Variants in FGD4 observed in about 807,000 individuals in gnomAD.
FGD4 encodes the protein FYVE, RhoGEF and PH domain containing 4.
FGD4 carries 42 observed loss-of-function variants against 102.0 expected under a neutral mutation model. That is an observed-to-expected ratio of 0.41 (90% confidence interval 0.32 to 0.53). The LOEUF (loss-of-function observed/expected upper bound fraction) is 0.53. FGD4 is among the 20% of genes least tolerant of loss of function. FGD4 has a pLI of 0.21. For synonymous variants in FGD4, 380 were observed against 375.7 expected, an observed-to-expected ratio of 1.01 and a Z score of -0.13; for missense variants, 902 against 1,078.2, an observed-to-expected ratio of 0.84 and a Z score of 2.29.
chr12:32,455,510 G>T (rs1565750581), intron 1 of FGD4, among the ~76,000 whole-genome samples: 1 of 152,068 alleles, frequency 6.6e-6, no homozygotes, highest in African/African-American at 2.4e-5. Context: ...TGGATCATTT[G>T]CAGTAGACTT....
chr12:32,602,077 T>G, intron 6 of FGD4, 84 bp from the exon 7 acceptor site: 1 of 1,250,672 alleles, frequency 8.0e-7, no homozygotes, highest in Non-Finnish European at 1.2e-6. Flanking sequence ...ATAATGCCAC[T>G]GCACTACAGT....
At chr12:32,513,799 G>T (rs1939624913) in intron 1 of FGD4, among the ~76,000 whole-genome samples, 1 of 152,164 alleles carries the variant, frequency 6.6e-6, no homozygotes, top group African/African-American at 2.4e-5. Context: ...TACTGTGAGG[G>T]AAGCAGACTT....
At chr12:32,468,035 T>A (rs1025700537) in intron 1 of FGD4, among the ~76,000 whole-genome samples, 3 of 151,736 alleles carry the variant, frequency 2.0e-5, no homozygotes, top group Non-Finnish European at 2.9e-5. Flanking sequence ...TTTTTTTAAT[T>A]TTTATTTAAT....
At chr12:32,484,869 C>A (rs1477721339) in intron 1 of FGD4, among the ~76,000 whole-genome samples, 4 of 151,814 alleles carry the variant, frequency 2.6e-5, no homozygotes, top group Admixed American at 2.6e-4. Flanking sequence ...GATACTCTGT[C>A]TCAGAAAAAA....
At chr12:32,592,163 G>C (rs979977654) in intron 4 of FGD4, among the ~76,000 whole-genome samples, 5 of 151,854 alleles carry the variant, frequency 3.3e-5, no homozygotes, top group African/African-American at 9.7e-5. Context: ...GCTCACTGTA[G>C]CCTCCGCTTC....
intron 1 of FGD4, chr12:32,534,159 C>A: frequency 3.5e-6 from 1 of 289,544 alleles, no homozygotes; most frequent in Non-Finnish European, 5.2e-6. Flanking sequence ...TTAAAGGTTC[C>A]ATGTGCCTCA....
Position 32,592,916 on chromosome 12 carries a change from G to A in FGD4, c.1012-5581G>A, listed in dbSNP as rs558304498. Among the ~76,000 whole-genome samples the A allele has an allele frequency of 1.2e-4, 19 of 152,222 alleles. 1 individual carries two copies. The South Asian group carries it at 3.5e-3, about 28-fold the overall frequency. On this transcript the variant is annotated intron_variant, in intron 4 of 16. Coordinates refer to ENST00000534526, the MANE Select transcript of FGD4 (RefSeq NM_001370298.3). ...GTAGTACCACTTTTCATTTCCAGGTGGATTTTGTAAGCAGATAGTTGGTGA... is the reference window on the plus strand; with the variant it reads ...GTAGTACCACTTTTCATTTCCAGGTAGATTTTGTAAGCAGATAGTTGGTGA...
At chr12:32,490,596 A>G (rs566197286) in intron 1 of FGD4, among the ~76,000 whole-genome samples, 17 of 150,684 alleles carry the variant, frequency 1.1e-4, no homozygotes, top group African/African-American at 4.1e-4. Flanking sequence ...ACAGGGTTTC[A>G]CCATATTGGC....
intron 1 of FGD4, among the ~76,000 whole-genome samples, chr12:32,510,538 AG>A (rs1939251995): frequency 6.6e-6 from 1 of 152,218 alleles, no homozygotes; most frequent in African/African-American, 2.4e-5. Flanking sequence ...GTAATAAAAA[AG>A]TGAACTAATA....
At chr12:32,555,379 T>C (rs1944008758) in intron 1 of FGD4, among the ~76,000 whole-genome samples, 1 of 152,076 alleles carries the variant, frequency 6.6e-6, no homozygotes, top group African/African-American at 2.4e-5. Flanking sequence ...AGATGGCTCT[T>C]AGACATACTG....
intron 1 of FGD4, among the ~76,000 whole-genome samples, chr12:32,471,257 A>G (rs1016599135): frequency 1.3e-5 from 2 of 152,140 alleles, no homozygotes; most frequent in Admixed American, 1.3e-4. Flanking sequence ...CTGGGCCTCC[A>G]GCTTGCAGAT....
chr12:32,519,385 T>C (rs1393697356), intron 1 of FGD4, among the ~76,000 whole-genome samples: 1 of 152,226 alleles, frequency 6.6e-6, no homozygotes, highest in Admixed American at 6.5e-5. Context: ...TCCATTATTG[T>C]GTAATTTTAT....
rs187553815 is a variant in FGD4 at position 32,502,129 on chromosome 12, C to A, written c.167-62008C>A. ...TTAGGAGGGCTGGTTACCATGGAAT[C>A]CACCATCTGTTCACTCCCCACCGGA... On this transcript the variant is annotated intron_variant, in intron 1 of 16. Transcript: ENST00000534526. The A allele has an allele frequency of 5.3e-4, 527 of 985,450 alleles. 1 individual carries two copies. The highest frequency in any genetic ancestry group is 2.0e-3 in the Admixed American group (33 of 16,286). 61.0% of individuals were successfully genotyped at this position (985,450 alleles called of 1,614,324 possible). A position where few individuals can be genotyped will look rare whatever the true frequency, so the allele number is the denominator to read the frequency against.
chr12:32,448,286 A>T (rs908462449), intron 1 of FGD4, among the ~76,000 whole-genome samples: 19 of 152,304 alleles, frequency 1.2e-4, no homozygotes, highest in African/African-American at 4.6e-4. Context: ...TAGAAAGTAC[A>T]GTGGGAGTAC....
rs113673587 is a variant in FGD4 at position 32,620,557 on chromosome 12, G to A, written c.1922+687G>A. 2.9e-3 allele frequency among the ~76,000 whole-genome samples: 330 copies of A among 113,232 alleles called. 2 individuals are homozygous for A. Among genetic ancestry groups the A allele is most frequent in the African/African-American group, 0.011 (305 of 27,862 alleles). The allele number at this position is 113,232 out of a possible 152,430, so 74.3% of individuals were successfully genotyped here. The stretch of plus-strand genomic sequence containing the variant: ...TTTTTTTTTTTTGAGATGGAGTTTC[G>A]CTCTCATTGGCCAGACTGGAGGGCA... On this transcript the variant is annotated intron_variant, in intron 11 of 16. Coordinates refer to ENST00000534526, the MANE Select transcript of FGD4 (RefSeq NM_001370298.3).
intron 16 of FGD4, among the ~76,000 whole-genome samples, chr12:32,639,824 A>G (rs1951062091): frequency 6.6e-6 from 1 of 152,222 alleles, no homozygotes; most frequent in Non-Finnish European, 1.5e-5. Flanking sequence ...ACTGAAAATG[A>G]CAGGCTATAT....
intron 4 of FGD4, among the ~76,000 whole-genome samples, chr12:32,585,254 A>ATATATATATATG (rs1555210534): frequency 2.2e-5 from 3 of 135,802 alleles, no homozygotes; most frequent in African/African-American, 5.5e-5. Flanking sequence ...ATATATATAT[A>ATATATATATATG]TATGTATATC....
chr12:32,562,659 C>T (rs59450415), intron 1 of FGD4, among the ~76,000 whole-genome samples: 4,435 of 152,230 alleles, frequency 0.029, 231 homozygotes, highest in African/African-American at 0.1. Flanking sequence ...AAAGCACATC[C>T]TGCACCGCCC....
intron 11 of FGD4, among the ~76,000 whole-genome samples, chr12:32,623,224 C>G (rs1281984674): frequency 6.6e-6 from 1 of 151,906 alleles, no homozygotes; most frequent in Non-Finnish European, 1.5e-5. Context: ...AAAACTAAAA[C>G]AAAAAGCTAT....
Sources: gnomAD v4.1 joint callset for allele counts (sites outside exome capture counted in the v4.1 genomes callset) on GRCh38, gnomAD v4.1.1 for gene constraint, MANE v1.5 for transcripts, NCBI Gene and HGNC (gene_info 2026-07-23, HGNC 2026-07-21) for gene names.